The following PPP3CB variants were observed in gnomAD, a reference collection of about 807,000 sequenced individuals.
PPP3CB encodes protein phosphatase 3 catalytic subunit beta.
PPP3CB carries 8 observed loss-of-function variants against 66.4 expected under a neutral mutation model. The ratio of observed to expected loss-of-function variants is 0.12; its 90% CI spans 0.07 to 0.22. PPP3CB has a LOEUF of 0.22. Among genes scored for constraint, PPP3CB ranks in the 10% least tolerant of loss-of-function variants. The pLI is 1.00. For missense variants in PPP3CB, 319 were observed against 642.5 expected (o/e 0.50, Z 5.44); for synonymous variants, 208 against 221.2 (o/e 0.94, Z 0.53).
At chr10:73,449,522 T>G (rs2056311668) in intron 10 of PPP3CB, among the ~76,000 whole-genome samples, 1 of 152,174 alleles carries the variant, frequency 6.6e-6, no homozygotes, top group African/African-American at 2.4e-5. Context: ...TTTATTTTAG[T>G]GAAACTGCAA....
At chr10:73,465,604 G>A (rs2056607023) in intron 9 of PPP3CB, among the ~76,000 whole-genome samples, 1 of 152,158 alleles carries the variant, frequency 6.6e-6, no homozygotes, top group African/African-American at 2.4e-5. Context: ...AAAAGGGTAA[G>A]GAAACACTGC....
chr10:73,492,205 C>T (rs2057090865), intron 1 of PPP3CB, among the ~76,000 whole-genome samples: 1 of 151,948 alleles, frequency 6.6e-6, no homozygotes, highest in Non-Finnish European at 1.5e-5. Flanking sequence ...TTACTATAAC[C>T]CATGAAATAA....
At chr10:73,478,694 T>G (rs1185800388) in intron 2 of PPP3CB, 71 bp from the exon 3 acceptor site, 1 of 1,346,152 alleles carries the variant, frequency 7.4e-7, no homozygotes, top group Non-Finnish European at 1.0e-6. Context: ...AGTTAAAACG[T>G]ATTTTACATA....
intron 1 of PPP3CB, among the ~76,000 whole-genome samples, chr10:73,490,100 C>T (rs112266177): frequency 6.6e-6 from 1 of 152,170 alleles, no homozygotes; most frequent in African/African-American, 2.4e-5. Context: ...TCATCAATGC[C>T]TAGCACAATG....
At chr10:73,469,594 G>C (rs1257970214) in intron 8 of PPP3CB, among the ~76,000 whole-genome samples, 1 of 152,128 alleles carries the variant, frequency 6.6e-6, no homozygotes, top group Non-Finnish European at 1.5e-5. Context: ...CAAAAATGAA[G>C]TCATATTTCA....
At chr10:73,466,211 T>G (rs1299366868) in intron 9 of PPP3CB, among the ~76,000 whole-genome samples, 1 of 152,232 alleles carries the variant, frequency 6.6e-6, no homozygotes, top group Non-Finnish European at 1.5e-5. Flanking sequence ...CCCTGGTTTT[T>G]GACAGGTGCA....
At chr10:73,448,680 T>C (rs1294201603) in intron 10 of PPP3CB, 1 of 533,228 alleles carries the variant, frequency 1.9e-6, no homozygotes, top group Non-Finnish European at 3.8e-6. Flanking sequence ...TATTGCCATA[T>C]ATGAGCCGTT....
intron 1 of PPP3CB, 30 bp from the exon 2 acceptor site, chr10:73,479,547 A>C (rs1341394995): frequency 6.3e-7 from 1 of 1,590,092 alleles, no homozygotes; most frequent in Non-Finnish European, 8.6e-7. Flanking sequence ...ATAAAAGATA[A>C]GTCACCAAAA....
At position 73,467,584 on chromosome 10, in the gene PPP3CB, G is replaced by A. The variant is rs1393029123; in HGVS notation, c.1077C>T (p.Phe359=). ...CTCCAACAAACGGTAAAGACCACGTGAAGACATCCATAAAATTAGGCAACC... is the reference window on the plus strand; with the variant it reads ...CTCCAACAAACGGTAAAGACCACGTAAAGACATCCATAAAATTAGGCAACC... The part of the protein sequence containing the change: ...PYWLPNFMDV[F]TWSLPFVGEK... The change falls in exon 9 of 14, where the codon TTC becomes TTT. Residue 359 remains phenylalanine, a synonymous_variant. Coordinates refer to ENST00000360663, the MANE Select transcript of PPP3CB (RefSeq NM_021132.4). 6.3e-7 allele frequency: 1 copy of A among 1,585,186 alleles called. No individual in the cohort carries two copies. The highest frequency in any genetic ancestry group is 8.6e-7 in the Non-Finnish European group (1 of 1,168,994).
intron 3 of PPP3CB, chr10:73,477,345 A>C (rs2056807448): frequency 2.2e-6 from 1 of 451,240 alleles, no homozygotes; most frequent in Admixed American, 3.0e-5. Context: ...TGACTCATTA[A>C]AGCATCATTT....
chr10:73,438,489 A>G, intron 13 of PPP3CB, 69 bp from the exon 14 acceptor site: 1 of 1,406,182 alleles, frequency 7.1e-7, no homozygotes. Context: ...AACATAATTA[A>G]TGATTTTTAA....
chr10:73,473,277 T>C (rs1252898383), intron 4 of PPP3CB, among the ~76,000 whole-genome samples: 1 of 152,240 alleles, frequency 6.6e-6, no homozygotes. Flanking sequence ...TATTGGATCA[T>C]GTTTTGAGTC....
intron 10 of PPP3CB, among the ~76,000 whole-genome samples, chr10:73,452,505 G>C (rs569530658): frequency 6.6e-6 from 1 of 152,214 alleles, no homozygotes; most frequent in East Asian, 1.9e-4. Flanking sequence ...AGACAAGTTT[G>C]GCCAAGATGG....
intron 1 of PPP3CB, among the ~76,000 whole-genome samples, chr10:73,488,814 T>A (rs1045349296): frequency 1.3e-5 from 2 of 152,174 alleles, no homozygotes; most frequent in South Asian, 4.1e-4. Flanking sequence ...CTTAATGTCA[T>A]TGTTCTCTTT....
At chr10:73,460,187 G>A (rs529729637) in intron 9 of PPP3CB, among the ~76,000 whole-genome samples, 9 of 148,570 alleles carry the variant, frequency 6.1e-5, no homozygotes, top group East Asian at 5.9e-4. Flanking sequence ...GCCATTTAAC[G>A]GATATTAAAT....
chr10:73,488,868 A>T (rs2057029471), intron 1 of PPP3CB, among the ~76,000 whole-genome samples: 1 of 152,162 alleles, frequency 6.6e-6, no homozygotes, highest in African/African-American at 2.4e-5. Flanking sequence ...AATTTTCTTA[A>T]ATCTCCACTG....
At chr10:73,481,495 A>G (rs1406529185) in intron 1 of PPP3CB, among the ~76,000 whole-genome samples, 1 of 151,200 alleles carries the variant, frequency 6.6e-6, no homozygotes, top group African/African-American at 2.4e-5. Context: ...ATACATATAT[A>G]TATCTCTGAG....
chr10:73,459,339 AGCTGGG>A (rs2056482939), intron 9 of PPP3CB, among the ~76,000 whole-genome samples: 2 of 152,014 alleles, frequency 1.3e-5, no homozygotes, highest in African/African-American at 4.8e-5. Flanking sequence ...TATAAAAATT[AGCTGGG>A]CATGGTGGCG....
intron 10 of PPP3CB, among the ~76,000 whole-genome samples, chr10:73,450,602 G>T (rs1476774296): frequency 2.6e-5 from 4 of 152,184 alleles, no homozygotes. Flanking sequence ...ACAATGAAGA[G>T]TAATTGTACC....
Sources: gnomAD v4.1 joint callset for allele counts (sites outside exome capture counted in the v4.1 genomes callset) on GRCh38, gnomAD v4.1.1 for gene constraint, MANE v1.5 for transcripts, NCBI Gene and HGNC (gene_info 2026-07-23, HGNC 2026-07-21) for gene names.